The following ARMC6 variants were observed in gnomAD, a reference collection of about 807,000 sequenced individuals.
The protein encoded by ARMC6 is armadillo repeat-containing protein 6.
Under a neutral mutation model 49.2 loss-of-function variants are expected in ARMC6, and 43 were observed. That is an observed-to-expected ratio of 0.87 (90% CI 0.69 to 1.13). The LOEUF (loss-of-function observed/expected upper bound fraction) is 1.13, where lower values mean the gene tolerates loss of function less well. Among genes scored for constraint, ARMC6 ranks in the 50% most tolerant of loss-of-function variants. The pLI, the probability that ARMC6 is intolerant of heterozygous loss-of-function variation, is 0.00. For synonymous variants in ARMC6, 262 were observed against 289.6 expected, an observed-to-expected ratio of 0.90 and a Z score of 0.97; for missense variants, 627 against 682.0, an observed-to-expected ratio of 0.92 and a Z score of 0.90.
chr19:19,036,182 C>T (rs1384586812), intron 2 of ARMC6, among the ~76,000 whole-genome samples: 1 of 152,184 alleles, frequency 6.6e-6, no homozygotes, highest in African/African-American at 2.4e-5. Flanking sequence ...TTGCCTCAGC[C>T]TCCTGAGTAG....
chr19:19,034,842 G>A (rs1166502826), intron 2 of ARMC6, among the ~76,000 whole-genome samples: 3 of 150,976 alleles, frequency 2.0e-5, no homozygotes, highest in Non-Finnish European at 2.9e-5. Flanking sequence ...TGGGATTACC[G>A]GTGTGCACTA....
Position 19,054,228 on chromosome 19 carries a change from C to T in ARMC6, c.930C>T (p.Cys310=). Residue 310 remains cysteine (C), a synonymous_variant, in exon 6 of 9, where the codon TGC becomes TGT. Coordinates refer to ENST00000535612, the MANE Select transcript of ARMC6 (RefSeq NM_001199196.2). ...LSRLAIRNEF[C]QEVVDLGGLS... ...GCCTGGCCATTCGCAACGAGTTCTG[C>T]CAGGAGGTCGTCGACCTCGGGGGCC... 3.1e-6 allele frequency: 5 copies of T among 1,611,944 alleles called. No individual in the cohort carries two copies. Among genetic ancestry groups the T allele is most frequent in the Non-Finnish European group, 4.2e-6 (5 of 1,179,122 alleles).
Position 19,057,820 on chromosome 19 carries a change from C to A in ARMC6, c.*192C>A, listed in dbSNP as rs781561633. ...AGGCCTCTACACAGAAGAAAGCAGC[C>A]CCCATGTCCCAGCCACTTCTGGGTC... On this transcript the variant is annotated 3_prime_UTR_variant, in exon 9 of 9. Transcript: ENST00000535612. 3 of 758,042 alleles carry A rather than the reference C, an allele frequency of 4.0e-6. No homozygotes were observed. Among genetic ancestry groups the A allele is most frequent in the Non-Finnish European group, 7.1e-6 (3 of 421,330 alleles). The allele number at this position is 758,042 out of a possible 1,614,324, so 47.0% of individuals were successfully genotyped here. A position where few individuals can be genotyped will look rare whatever the true frequency, so the allele number is the denominator to read the frequency against.
In ARMC6 at chr19:19,055,999, G is replaced by A; in HGVS notation, c.1293+71G>A. 4.0e-6 allele frequency: 6 copies of A among 1,514,356 alleles called. No individual in the cohort carries two copies. In the Admixed American group the frequency reaches 7.6e-5, roughly 19 times the overall value. The allele number at this position is 1,514,356 out of a possible 1,614,324, so 93.8% of individuals were successfully genotyped here. A position where few individuals can be genotyped will look rare whatever the true frequency, so the allele number is the denominator to read the frequency against. ...GCAGGTAGGTGCAGAGAGGGCATGG[G>A]AGCAGGTGCGGTGTGCGGGTGGGTG... is the stretch of plus-strand genomic sequence containing the variant. On this transcript the variant is annotated intron_variant, in intron 8 of 8. Coordinates refer to ENST00000535612, the MANE Select transcript of ARMC6 (RefSeq NM_001199196.2). This position sits in a 1 kb window ranked among gnomAD's most constrained non-coding sequence, Gnocchi z 5.7.
At chr19:19,051,375 CTGTGTGTGTGTGTGTGTG>C (rs35164662) in intron 4 of ARMC6, among the ~76,000 whole-genome samples, 4 of 139,666 alleles carry the variant, frequency 2.9e-5, no homozygotes, top group South Asian at 2.3e-4. Flanking sequence ...CTCTCTCTCT[CTGTGTGTGTGTGTGTGTG>C]TGTGTGTGTG....
chr19:19,056,485 C>G (rs2145883189), intron 8 of ARMC6, among the ~76,000 whole-genome samples: 1 of 152,314 alleles, frequency 6.6e-6, no homozygotes, highest in East Asian at 1.9e-4. Flanking sequence ...TGGTCTCGAA[C>G]TCCTGACTTC....
intron 2 of ARMC6, chr19:19,037,674 A>G (rs2145843540): frequency 8.6e-7 from 1 of 1,156,386 alleles, no homozygotes; most frequent in Non-Finnish European, 1.1e-6. Context: ...TGATAATTCC[A>G]GAACGGAAAC....
chr19:19,055,364 G>T lies in ARMC6; in HGVS notation c.1123G>T (p.Ala375Ser). 1.2e-6 allele frequency: 2 copies of T among 1,612,748 alleles called. No homozygotes were observed. Residue 375 changes from alanine (A) to serine (S), a missense_variant, in exon 7 of 9, where the codon GCT becomes TCT. Physicochemically the swap from Ala to Ser is moderately conservative, Grantham distance 99 (BLOSUM62 1). Transcript: ENST00000535612. This position sits in a 1 kb window ranked among gnomAD's most constrained non-coding sequence, Gnocchi z 5.7. ...TGCTGGTGGGACGGAGTCCATCGTG[G>T]CTGCTATGACCCAGCATCTGACCAG... ...VRAGGTESIV[A>S]AMTQHLTSPQ...
At chr19:19,052,247 G>A (rs1483743768) in intron 5 of ARMC6, 52 bp downstream of exon 5, 2 of 1,484,604 alleles carry the variant, frequency 1.3e-6, no homozygotes, top group Non-Finnish European at 1.8e-6. Context: ...CGGGTCAGAT[G>A]TGACCAGAGT....
chr19:19,050,816 T>A (rs773178555), intron 4 of ARMC6, among the ~76,000 whole-genome samples: 9 of 152,176 alleles, frequency 5.9e-5, no homozygotes, highest in Non-Finnish European at 8.8e-5. Context: ...ATCAAAGCCC[T>A]TTGGGCTGGT....
In ARMC6 at chr19:19,057,511, G is replaced by A; in HGVS notation, c.1389G>A (p.Gln463=). The A allele has an allele frequency of 1.2e-6, 2 of 1,614,068 alleles. No homozygotes were observed. Among genetic ancestry groups the A allele is most frequent in the Non-Finnish European group, 1.7e-6 (2 of 1,180,022 alleles). Residue 463 remains glutamine, a synonymous_variant, in exon 9 of 9, where the codon CAG becomes CAA. Coordinates refer to ENST00000535612, the MANE Select transcript of ARMC6 (RefSeq NM_001199196.2). ...LDLGAEALIM[Q]ARSAHRDCED... The stretch of plus-strand genomic sequence containing the variant: ...TGGGGGCTGAGGCACTCATCATGCA[G>A]GCCCGATCTGCCCACCGTGACTGTG...
Position 19,052,119 on chromosome 19 carries a change from T to A in ARMC6, c.777T>A (p.Phe259Leu). 6.2e-7 allele frequency: 1 copy of A among 1,613,952 alleles called. No homozygotes were observed. ...MTFDDDIRVP[F>L]GHAHNHAKMI... ...TCGATGACGACATCCGTGTGCCCTT[T>A]GGCCATGCCCACAACCATGCCAAGA... is the stretch of plus-strand genomic sequence containing the variant. The change falls in exon 5 of 9, where the codon TTT (phenylalanine) becomes TTA (leucine). Residue 259 changes from phenylalanine to leucine, a missense_variant. Physicochemically the swap from Phe to Leu is conservative, Grantham distance 22. Coordinates refer to ENST00000535612, the MANE Select transcript of ARMC6 (RefSeq NM_001199196.2).
At chr19:19,037,289 G>A (rs1227715784) in intron 2 of ARMC6, among the ~76,000 whole-genome samples, 1 of 152,094 alleles carries the variant, frequency 6.6e-6, no homozygotes, top group Non-Finnish European at 1.5e-5. Flanking sequence ...AGTCCATGGT[G>A]GGCATCTGCA....
intron 4 of ARMC6, among the ~76,000 whole-genome samples, chr19:19,045,490 A>ATTTTTTTTTTTTTTTTTTTTTTT (rs1355279150): frequency 5.0e-4 from 14 of 28,206 alleles, no homozygotes; most frequent in African/African-American, 1.7e-3. Context: ...ATTATGCTAA[A>ATTTTTTTTTTTTTTTTTTTTTTT]TTCTTTTTTT....
At chr19:19,044,608 C>T (rs1220667020) in intron 4 of ARMC6, among the ~76,000 whole-genome samples, 2 of 152,218 alleles carry the variant, frequency 1.3e-5, no homozygotes, top group African/African-American at 2.4e-5. Context: ...CAATGCTTTC[C>T]GTAAGGTCGC....
At chr19:19,049,147 G>A (rs2059476361) in intron 4 of ARMC6, among the ~76,000 whole-genome samples, 1 of 151,384 alleles carries the variant, frequency 6.6e-6, no homozygotes, top group South Asian at 2.1e-4. Context: ...CTGCTTCCCG[G>A]GCTCAAGCAA....
Position 19,033,875 on chromosome 19 carries a change from G to A in ARMC6, c.-135G>A. 1 of 364,116 alleles carries A rather than the reference G, an allele frequency of 2.7e-6. No homozygotes were observed. The allele number at this position is 364,116 out of a possible 1,614,324, so 22.6% of individuals were successfully genotyped here. A position where few individuals can be genotyped will look rare whatever the true frequency, so the allele number is the denominator to read the frequency against. ...CGGCGGCCGGAAGGGGCTAGAGGCG[G>A]CTCCCTGGGTGACAACCGCGCGCCC... On this transcript the variant is annotated 5_prime_UTR_variant, in exon 1 of 9. Transcript: ENST00000535612.
chr19:19,043,208 G>A (rs1230138647), intron 3 of ARMC6, among the ~76,000 whole-genome samples: 1 of 152,240 alleles, frequency 6.6e-6, no homozygotes, highest in South Asian at 2.1e-4. Flanking sequence ...AGCTTACAGA[G>A]GCAGAAGCAG....
At chr19:19,050,153 T>C (rs965544414) in intron 4 of ARMC6, among the ~76,000 whole-genome samples, 4 of 152,176 alleles carry the variant, frequency 2.6e-5, no homozygotes, top group Non-Finnish European at 5.9e-5. Context: ...TTTGTTGTCA[T>C]TGTAGTGTTT....
Sources: allele counts gnomAD v4.1 joint callset (sites outside exome capture counted in the v4.1 genomes callset), GRCh38; gene constraint gnomAD v4.1.1; non-coding constraint Gnocchi (gnomAD v3.1); transcripts MANE v1.5; gene names NCBI Gene and HGNC (gene_info 2026-07-23, HGNC 2026-07-21).